GCAT: variants seen among roughly 807,000 people sequenced by gnomAD.
GCAT encodes glycine C-acetyltransferase.
In GCAT, 26 loss-of-function variants were observed where a neutral mutation model predicts 39.7. That is an observed-to-expected ratio of 0.65 (90% confidence interval 0.48 to 0.91). GCAT has a LOEUF of 0.91. Ranked by LOEUF, GCAT falls within the 40% of genes least tolerant of loss-of-function variation. The pLI, the probability that GCAT is intolerant of heterozygous loss-of-function variation, is 0.00. For missense variants in GCAT, 550 were observed against 576.2 expected, an observed-to-expected ratio of 0.95 and a Z score of 0.47; for synonymous variants, 218 against 237.2, an observed-to-expected ratio of 0.92 and a Z score of 0.74.
chr22:37,813,419 C>T (rs1244555900), intron 3 of GCAT, 44 bp from the exon 4 acceptor site: 1 of 1,556,730 alleles, frequency 6.4e-7, no homozygotes, highest in African/African-American at 1.4e-5. Context: ...GGGAGAAGCC[C>T]AGGGTGGTTA....
At chr22:37,815,307 G>A in intron 5 of GCAT, 27 bp downstream of exon 5, 2 of 1,609,104 alleles carry the variant, frequency 1.2e-6, no homozygotes, top group Non-Finnish European at 1.7e-6. Flanking sequence ...CCTGAGGCCT[G>A]GGGTGGGGCT....
intron 4 of GCAT, 31 bp from the exon 5 acceptor site, chr22:37,815,095 C>T: frequency 6.2e-7 from 1 of 1,608,286 alleles, no homozygotes; most frequent in South Asian, 1.1e-5. Context: ...AACTTGACAC[C>T]ACCCACCATC....
Position 37,808,025 on chromosome 22 carries a change from G to C in GCAT, c.58G>C (p.Ala20Pro), listed in dbSNP as rs570321078. The change falls in exon 1 of 9, where the codon GCA becomes CCA. Residue 20 changes from alanine (A) to proline (P), a missense_variant. Physicochemically the swap from Ala to Pro is conservative, Grantham distance 27 (BLOSUM62 -1). Around this residue, in one of 3 missense-constraint regions of GCAT, gnomAD observed 154 missense variants for 141.9 expected, o/e 1.08. Transcript: ENST00000248924. ...ALFWVPRGRR[A>P]QSALAQLRGI... ...CTTCTGGGTGCCCCGCGGCCGCCGC[G>C]CACAGTCAGCGCTGGCCCAGCTGCG... 6.5e-6 allele frequency: 10 copies of C among 1,548,708 alleles called. No homozygotes were observed. The highest frequency in any genetic ancestry group is 1.4e-5 in the African/African-American group (1 of 72,312).
intron 4 of GCAT, among the ~76,000 whole-genome samples, chr22:37,813,866 A>G (rs564293459): frequency 1.3e-5 from 2 of 152,110 alleles, no homozygotes; most frequent in East Asian, 3.9e-4. Flanking sequence ...CCTGGGTTCA[A>G]GTGATTCTCC....
At position 37,810,053 on chromosome 22, in the gene GCAT, T is replaced by C. The variant is rs770964585; in HGVS notation, c.223T>C (p.Tyr75His). The C allele has an allele frequency of 1.5e-5, 25 of 1,613,938 alleles. No individual in the cohort carries two copies. Among genetic ancestry groups the C allele is most frequent in the Middle Eastern group, 1.6e-4 (1 of 6,084 alleles). The change falls in exon 2 of 9, where the codon TAC becomes CAC. Residue 75 changes from tyrosine to histidine, a missense_variant. Around this residue, in one of 3 missense-constraint regions of GCAT, gnomAD observed 154 missense variants for 141.9 expected, o/e 1.08. Transcript: ENST00000248924. The part of the protein sequence containing the change: ...GGILNFCANN[Y>H]LGLSSHPEVI... ...AATCCTTAACTTCTGTGCCAACAAC[T>C]ACCTGGGCCTGAGCAGCCACCCTGA...
At chr22:37,809,871 C>T (rs1921375740) in intron 1 of GCAT, 156 bp from the exon 2 acceptor site, 2 of 910,318 alleles carry the variant, frequency 2.2e-6, no homozygotes, top group Non-Finnish European at 1.8e-6. Flanking sequence ...AGCACTGACG[C>T]TCCTTCTGTA....
chr22:37,811,202 G>A (rs1921547908), intron 2 of GCAT, among the ~76,000 whole-genome samples: 1 of 152,126 alleles, frequency 6.6e-6, no homozygotes, highest in Non-Finnish European at 1.5e-5. Flanking sequence ...CTTAGAATAG[G>A]CCGGGCGCAG....
At chr22:37,815,906 G>A (rs970136069) in intron 7 of GCAT, 72 bp downstream of exon 7, 50 of 1,556,888 alleles carry the variant, frequency 3.2e-5, no homozygotes, top group Non-Finnish European at 4.2e-5. Context: ...GTCTGCCCAG[G>A]CCCACAGACA....
chr22:37,809,952 C>T, intron 1 of GCAT, 75 bp from the exon 2 acceptor site: 2 of 1,580,332 alleles, frequency 1.3e-6, no homozygotes, highest in Non-Finnish European at 1.7e-6. Flanking sequence ...TCCCCAGGGC[C>T]TGGCACTGTC....
chr22:37,808,161 G>T lies in GCAT; in HGVS notation c.194G>T (p.Gly65Val), dbSNP rs757891717. ...GPHIRVDGVS[G>V]GILNFCANNY... Reference sequence around the variant, plus strand: ...CACATCCGCGTGGACGGCGTCTCCGGAGGTAACGCTCCGTTCCGGGAGTCG... The same window carrying T: ...CACATCCGCGTGGACGGCGTCTCCGTAGGTAACGCTCCGTTCCGGGAGTCG... The change falls in exon 1 of 9, where the codon GGA (glycine) becomes GTA (valine). Residue 65 changes from glycine (G) to valine (V), a missense_variant and splice_region_variant. Around this residue, in one of 3 missense-constraint regions of GCAT, gnomAD observed 154 missense variants for 141.9 expected, o/e 1.08. Transcript: ENST00000248924. 6.7e-7 allele frequency: 1 copy of T among 1,499,296 alleles called. No individual in the cohort carries two copies. Among genetic ancestry groups the T allele is most frequent in the African/African-American group, 1.4e-5 (1 of 69,202 alleles). The allele number at this position is 1,499,296 out of a possible 1,614,324, so 92.9% of individuals were successfully genotyped here. A position where few individuals can be genotyped will look rare whatever the true frequency, so the allele number is the denominator to read the frequency against.
Position 37,815,008 on chromosome 22 carries a change from GC to G in GCAT, c.577-115del, listed in dbSNP as rs1430731398. 5 of 928,794 alleles carry G rather than the reference GC, an allele frequency of 5.4e-6. No individual in the cohort carries two copies. The African/African-American group carries it at 8.2e-5, about 15-fold the overall frequency. 57.5% of individuals were successfully genotyped at this position (928,794 alleles called of 1,614,324 possible). Reference sequence around the variant, plus strand: ...GCCCCCAAGATGGTGGTACCTCTGTGCCCACCTCTGTGCTGGGCACTGGGCA... The same window carrying G: ...GCCCCCAAGATGGTGGTACCTCTGTGCCACCTCTGTGCTGGGCACTGGGCA... On this transcript the variant is annotated intron_variant, in intron 4 of 8. Transcript: ENST00000248924.
intron 1 of GCAT, 78 bp downstream of exon 1, chr22:37,808,241 G>C: frequency 8.4e-7 from 1 of 1,193,108 alleles, no homozygotes. Context: ...GGTGGGGGTG[G>C]GCGGCTCCTA....
chr22:37,815,337 CGAG>C (rs909801844), intron 5 of GCAT, 57 bp downstream of exon 5: 31 of 1,597,460 alleles, frequency 1.9e-5, no homozygotes, highest in Middle Eastern at 1.7e-4. Context: ...GGCTGGGAAA[CGAG>C]GAGGCCAGTC....
rs764946190 is a variant in GCAT at position 37,815,722 on chromosome 22, T to TA, written c.875dup (p.Tyr292Ter). The TA allele has an allele frequency of 1.4e-5, 22 of 1,613,726 alleles. No individual in the cohort carries two copies. The East Asian group carries it at 4.5e-4, about 33-fold the overall frequency. ...CCTGCTGCGGCAGCGCGCCCGGCCA[T>TA]ACCTCTTCTCCAACAGTCTGCCACC... ...VSLLRQRARP[Y>*]LFSNSLPPAV... Residue 292 changes from tyrosine (Y) to a stop codon, truncating the protein, a stop_gained and frameshift_variant, in exon 7 of 9, where the codon TAC (tyrosine) becomes TAAC (stop). Coordinates refer to ENST00000248924, the MANE Select transcript of GCAT (RefSeq NM_014291.4). LOFTEE classifies it high-confidence loss of function.
rs988088441 is a variant in GCAT, at chr22:37,816,658, C to T, written c.1200C>T (p.Asp400=). 1.2e-6 allele frequency: 2 copies of T among 1,613,984 alleles called. No homozygotes were observed. Among genetic ancestry groups the T allele is most frequent in the African/African-American group, 2.7e-5 (2 of 74,934 alleles). Residue 400 remains aspartate (D), a synonymous_variant, in exon 9 of 9, where the codon GAC becomes GAT. Coordinates refer to ENST00000248924, the MANE Select transcript of GCAT (RefSeq NM_014291.4). ...VQISAVHSEE[D]IDRCVEAFVE... ...TCTCAGCAGTGCATAGCGAGGAAGACATTGACCGCTGCGTGGAGGCCTTCG... is the reference window on the plus strand; with the variant it reads ...TCTCAGCAGTGCATAGCGAGGAAGATATTGACCGCTGCGTGGAGGCCTTCG...
chr22:37,816,632 A>T lies in GCAT; in HGVS notation c.1174A>T (p.Ile392Phe), dbSNP rs1922234110. The T allele has an allele frequency of 6.2e-7, 1 of 1,614,124 alleles. No homozygotes were observed. Among genetic ancestry groups the T allele is most frequent in the Non-Finnish European group, 8.5e-7 (1 of 1,180,020 alleles). The change falls in exon 9 of 9, where the codon ATC (isoleucine) becomes TTC (phenylalanine). Residue 392 changes from isoleucine (I) to phenylalanine (F), a missense_variant. Ile to Phe is a conservative substitution (Grantham distance 21). Coordinates refer to ENST00000248924, the MANE Select transcript of GCAT (RefSeq NM_014291.4). ...GGGCAAGGCCCGGATCCGGGTACAG[A>T]TCTCAGCAGTGCATAGCGAGGAAGA... ...PKGKARIRVQISAVHSEEDID... is the reference protein window; with the variant it reads ...PKGKARIRVQFSAVHSEEDID...
At chr22:37,809,368 C>G (rs1921318921) in intron 1 of GCAT, among the ~76,000 whole-genome samples, 1 of 152,160 alleles carries the variant, frequency 6.6e-6, no homozygotes, top group Non-Finnish European at 1.5e-5. Flanking sequence ...GCAAAGTAAA[C>G]TGTGGAGTTC....
intron 1 of GCAT, 75 bp downstream of exon 1, chr22:37,808,238 G>T (rs374367059): frequency 1.2e-5 from 15 of 1,216,646 alleles, no homozygotes; most frequent in East Asian, 1.2e-4. Context: ...GGAGGTGGGG[G>T]TGGGCGGCTC....
chr22:37,811,743 G>A (rs915327081), intron 2 of GCAT, among the ~76,000 whole-genome samples: 1 of 151,754 alleles, frequency 6.6e-6, no homozygotes, highest in Non-Finnish European at 1.5e-5. Context: ...GGCCAACATG[G>A]TGAAACCCTG....
Sources: gnomAD v4.1 joint callset for allele counts (sites outside exome capture counted in the v4.1 genomes callset) on GRCh38, gnomAD v4.1.1 for gene constraint, gnomAD v4.1.1 regional missense constraint, MANE v1.5 for transcripts, NCBI Gene and HGNC (gene_info 2026-07-23, HGNC 2026-07-21) for gene names.